Variants in TUSC3 observed in about 807,000 individuals in gnomAD.
TUSC3 encodes dolichyl-diphosphooligosaccharide--protein glycosyltransferase subunit TUSC3.
TUSC3 carries 45 observed loss-of-function variants against 44.8 expected under a neutral mutation model. That is an observed-to-expected ratio of 1.00 (90% CI 0.79 to 1.29). The LOEUF is 1.29. Ranked by LOEUF, TUSC3 falls within the 50% of genes most tolerant of loss-of-function variation. TUSC3 has a pLI of 0.00. For synonymous variants in TUSC3, 212 were observed against 152.9 expected, an observed-to-expected ratio of 1.39 and a Z score of -2.85; for missense variants, 519 against 437.9, an observed-to-expected ratio of 1.19 and a Z score of -1.65.
At chr8:15,529,975 C>G (rs1302460341) in intron 2 of TUSC3, among the ~76,000 whole-genome samples, 1 of 103,788 alleles carries the variant, frequency 9.6e-6, no homozygotes, top group African/African-American at 4.0e-5. Flanking sequence ...TTAGTAGAGA[C>G]GGGGTTTCAC....
At chr8:15,632,635 C>T (rs925433109) in intron 2 of TUSC3, among the ~76,000 whole-genome samples, 1 of 152,114 alleles carries the variant, frequency 6.6e-6, no homozygotes, top group East Asian at 1.9e-4. Context: ...TTTGTCTGAA[C>T]TTGATATTAC....
chr8:15,843,725 G>A, the TUSC3 span, among the ~76,000 whole-genome samples: 1 of 151,784 alleles, frequency 6.6e-6, no homozygotes, highest in African/African-American at 2.4e-5. Context: ...ATATGTATGT[G>A]TGTGTTTGTG....
intron 2 of TUSC3, among the ~76,000 whole-genome samples, chr8:15,525,378 G>C (rs1801359757): frequency 2.0e-5 from 3 of 152,124 alleles, no homozygotes; most frequent in Non-Finnish European, 4.4e-5. Context: ...AAGGTGAGTA[G>C]AACAAGTTTG....
intron 5 of TUSC3, among the ~76,000 whole-genome samples, chr8:15,670,647 A>G (rs561339604): frequency 2.0e-5 from 3 of 152,050 alleles, no homozygotes; most frequent in Non-Finnish European, 4.4e-5. Flanking sequence ...AAAACAGAAC[A>G]TAAGAAGTGG....
At chr8:15,618,839 C>T (rs1363999628) in intron 1 of TUSC3, among the ~76,000 whole-genome samples, 1 of 152,196 alleles carries the variant, frequency 6.6e-6, no homozygotes, top group Non-Finnish European at 1.5e-5. Flanking sequence ...AAACGGTGTG[C>T]TGCAGTGTTA....
At chr8:15,528,448 C>T (rs2410247) in intron 2 of TUSC3, among the ~76,000 whole-genome samples, 1,609 of 152,298 alleles carry the variant, frequency 0.011, 33 homozygotes, top group African/African-American at 0.036. Context: ...TAAGTTGAAT[C>T]GGTCAATTGT....
intron 2 of TUSC3, among the ~76,000 whole-genome samples, chr8:15,510,197 G>A (rs1234639022): frequency 6.6e-6 from 1 of 151,820 alleles, no homozygotes; most frequent in Non-Finnish European, 1.5e-5. Context: ...AAAATGAAAA[G>A]CAAATTAAAG....
At chr8:15,681,741 G>A (rs77264628) in intron 6 of TUSC3, among the ~76,000 whole-genome samples, 2 of 151,396 alleles carry the variant, frequency 1.3e-5, no homozygotes, top group African/African-American at 4.8e-5. Flanking sequence ...TTGTTTTTCT[G>A]ATTTCTCTAG....
chr8:15,417,692 C>G (rs1318425547), intron 1 of TUSC3, among the ~76,000 whole-genome samples: 1 of 152,222 alleles, frequency 6.6e-6, no homozygotes, highest in Admixed American at 6.5e-5. Flanking sequence ...GCACTCATCA[C>G]TGGCAGGCTG....
At chr8:15,503,605 A>G (rs914246862) in intron 2 of TUSC3, among the ~76,000 whole-genome samples, 15 of 152,062 alleles carry the variant, frequency 9.9e-5, no homozygotes, top group African/African-American at 2.9e-4. Context: ...TCACAAGGCT[A>G]AGAAGGGGGG....
intron 2 of TUSC3, among the ~76,000 whole-genome samples, chr8:15,503,056 G>T (rs903894792): frequency 6.6e-6 from 1 of 152,092 alleles, no homozygotes. Context: ...ACGGGTTTAT[G>T]TCCACTTTCC....
chr8:15,517,621 C>G (rs1008245649), intron 2 of TUSC3, among the ~76,000 whole-genome samples: 2 of 136,356 alleles, frequency 1.5e-5, no homozygotes, highest in South Asian at 2.5e-4. Flanking sequence ...GGAAAACTTA[C>G]AAAATTTACG....
At chr8:15,764,169 T>C in intron 10 of TUSC3, 34 bp from the exon 11 acceptor site, 2 of 1,568,326 alleles carry the variant, frequency 1.3e-6, no homozygotes, top group Non-Finnish European at 1.8e-6. Flanking sequence ...TTATGTTCTA[T>C]GTTCAGCACA....
chr8:15,563,707 A>T (rs1802564960), intron 1 of TUSC3, among the ~76,000 whole-genome samples: 1 of 147,380 alleles, frequency 6.8e-6, no homozygotes. Flanking sequence ...AAAAAAAAAG[A>T]ACAACCTGGA....
At chr8:15,442,760 A>G (rs142078630) in intron 1 of TUSC3, among the ~76,000 whole-genome samples, 15 of 152,178 alleles carry the variant, frequency 9.9e-5, no homozygotes, top group Non-Finnish European at 7.3e-5. Flanking sequence ...CATTGATAAC[A>G]AAGACTTCCT....
At chr8:15,440,134 T>G (rs1276797818) in intron 1 of TUSC3, among the ~76,000 whole-genome samples, 2 of 152,188 alleles carry the variant, frequency 1.3e-5, no homozygotes, top group African/African-American at 4.8e-5. Context: ...TCTATGATTT[T>G]GGGCTGGGAT....
intron 2 of TUSC3, among the ~76,000 whole-genome samples, chr8:15,501,328 A>G (rs1485937461): frequency 1.3e-5 from 2 of 152,052 alleles, no homozygotes; most frequent in African/African-American, 4.8e-5. Context: ...CCTTCTTGGA[A>G]CCCAAAGTTT....
chr8:15,422,283 T>C (rs1401607807), intron 1 of TUSC3, among the ~76,000 whole-genome samples: 1 of 152,202 alleles, frequency 6.6e-6, no homozygotes, highest in Non-Finnish European at 1.5e-5. Flanking sequence ...TGTTGGTTTA[T>C]TCTGTTTTAT....
chr8:15,640,606 T>C lies in TUSC3; in HGVS notation c.309-10091T>C, dbSNP rs555637369. Among the ~76,000 whole-genome samples, 3 of 152,332 alleles carry C rather than the reference T, an allele frequency of 2.0e-5. No individual in the cohort carries two copies. In the South Asian group the frequency reaches 6.2e-4, roughly 32 times the overall value. On this transcript the variant is annotated intron_variant, in intron 2 of 10. Coordinates refer to ENST00000503731, the MANE Select transcript of TUSC3 (RefSeq NM_006765.4). ...AGCCTCCCCTGCCCCTAAAGAATCT[T>C]AAATAGAACTAGGGACAAAAAGAAA...
Sources: gnomAD v4.1 joint callset for allele counts (sites outside exome capture counted in the v4.1 genomes callset) on GRCh38, gnomAD v4.1.1 for gene constraint, MANE v1.5 for transcripts, NCBI Gene and HGNC (gene_info 2026-07-23, HGNC 2026-07-21) for gene names.